The following NAAA variants were observed in gnomAD, a reference collection of about 807,000 sequenced individuals.
The protein encoded by NAAA is N-acylethanolamine-hydrolyzing acid amidase.
Under a neutral mutation model 44.8 loss-of-function variants are expected in NAAA, and 39 were observed. The ratio of observed to expected loss-of-function variants is 0.87; its 90% CI spans 0.67 to 1.14. The LOEUF (loss-of-function observed/expected upper bound fraction) is 1.14, where lower values mean the gene tolerates loss of function less well. NAAA is among the 50% of genes most tolerant of loss of function. The pLI, the probability that NAAA is intolerant of heterozygous loss-of-function variation, is 0.00. For synonymous variants in NAAA, 178 were observed against 191.3 expected, an observed-to-expected ratio of 0.93 and a Z score of 0.58; for missense variants, 460 against 467.8, an observed-to-expected ratio of 0.98 and a Z score of 0.15.
intron 2 of NAAA, 26 bp from the exon 3 acceptor site, chr4:75,936,261 G>T (rs1727709478): frequency 6.3e-7 from 1 of 1,599,876 alleles, no homozygotes; most frequent in South Asian, 1.1e-5. Flanking sequence ...AGTCCAACAT[G>T]AATGAATAAG....
intron 2 of NAAA, among the ~76,000 whole-genome samples, chr4:75,939,414 ATTT>A (rs377331355): frequency 2.2e-5 from 3 of 137,276 alleles, no homozygotes; most frequent in Non-Finnish European, 1.6e-5. Context: ...TTTGAGCAGA[ATTT>A]TTTTTTTTTT....
Position 75,920,748 on chromosome 4 carries a change from C to G in NAAA, c.892G>C (p.Asp298His). 6.2e-7 allele frequency: 1 copy of G among 1,614,250 alleles called. No homozygotes were observed. Among genetic ancestry groups the G allele is most frequent in the Non-Finnish European group, 8.5e-7 (1 of 1,180,038 alleles). Residue 298 changes from aspartate to histidine, a missense_variant, in exon 7 of 11, where the codon GAT becomes CAT. Transcript: ENST00000286733. ...CACGTAGCAGCCTACCTCCGGTCAT[C>G]TTCCTTGGGTGCTGGCTTCCAGTGG... Reference protein sequence around the residue: ...YDHWKPAPKEDDRRTSAIKAL... With the variant: ...YDHWKPAPKEHDRRTSAIKAL...
At chr4:75,923,739 C>T (rs1047886597) in intron 5 of NAAA, among the ~76,000 whole-genome samples, 2 of 152,088 alleles carry the variant, frequency 1.3e-5, no homozygotes, top group East Asian at 3.8e-4. Context: ...GGGGTTTCAC[C>T]ATGTTGGCCA....
chr4:75,930,614 C>G (rs965542243), intron 4 of NAAA: 1 of 406,438 alleles, frequency 2.5e-6, no homozygotes, highest in African/African-American at 2.1e-5. Flanking sequence ...CCATCTTAAC[C>G]TAAAACAACC....
At position 75,913,805 on chromosome 4, in the gene NAAA, G is replaced by A. The variant is rs1275788339; in HGVS notation, c.*570C>T. On this transcript the variant is annotated 3_prime_UTR_variant, in exon 11 of 11. Coordinates refer to ENST00000286733, the MANE Select transcript of NAAA (RefSeq NM_014435.4). The stretch of plus-strand genomic sequence containing the variant: ...CTATTGAGAAAGAAGGAGGGCCATA[G>A]GTTTTTCAATAAAACGTTAGAAACA... 6.7e-5 allele frequency: 66 copies of A among 984,912 alleles called. No individual in the cohort carries two copies. Among genetic ancestry groups the A allele is most frequent in the Non-Finnish European group, 7.4e-5 (61 of 829,648 alleles). 61.0% of individuals were successfully genotyped at this position (984,912 alleles called of 1,614,324 possible).
At position 75,940,744 on chromosome 4, in the gene NAAA, C is replaced by T; in HGVS notation, c.206G>A (p.Gly69Glu). ...LVRAAMAQVI[G>E]DRVPKWVHVL... ...GACCCCGTCCAGGGCCCCAGCTCAC[C>T]CGATGACTTGCGCCATCGCGGCGCG... is the stretch of plus-strand genomic sequence containing the variant. The change falls in exon 1 of 11, where the codon GGG becomes GAG. Residue 69 changes from glycine (G) to glutamate (E), a missense_variant and splice_region_variant. By Grantham distance (98) the Gly-to-Glu change is moderately conservative (BLOSUM62 -2). Transcript: ENST00000286733. 2 of 1,595,540 alleles carry T rather than the reference C, an allele frequency of 1.3e-6. No individual in the cohort carries two copies. Among genetic ancestry groups the T allele is most frequent in the South Asian group, 1.1e-5 (1 of 90,176 alleles).
intron 9 of NAAA, chr4:75,916,936 C>T (rs10026390): frequency 5.0e-4 from 83 of 166,348 alleles, no homozygotes; most frequent in African/African-American, 1.9e-3. Flanking sequence ...CGCACCATGA[C>T]GCCTGGCTAA....
intron 2 of NAAA, among the ~76,000 whole-genome samples, chr4:75,936,609 CAT>C (rs1727741076): frequency 6.6e-6 from 1 of 152,236 alleles, no homozygotes; most frequent in Non-Finnish European, 1.5e-5. Context: ...CTATTTAACA[CAT>C]GATTCAAAGC....
chr4:75,916,304 G>T (rs1015789989), intron 9 of NAAA: 3 of 152,148 alleles, frequency 2.0e-5, no homozygotes, highest in Non-Finnish European at 4.4e-5. Context: ...CTCAGTTGAG[G>T]TTAATCATTA....
chr4:75,913,538 T>C (rs1181273315), downstream of NAAA: 1 of 373,474 alleles, frequency 2.7e-6, no homozygotes, highest in South Asian at 1.1e-4. Context: ...CAAGCAGCTG[T>C]TCATTCCCTT....
At chr4:75,914,784 C>T (rs984855970) in intron 10 of NAAA, 84 bp downstream of exon 10, 8 of 876,070 alleles carry the variant, frequency 9.1e-6, no homozygotes, top group Non-Finnish European at 1.4e-5. Flanking sequence ...TATATGTATA[C>T]ATTTTAAGGA....
At chr4:75,917,780 A>T (rs993032274) in intron 9 of NAAA, 1 of 393,070 alleles carries the variant, frequency 2.5e-6, no homozygotes, top group East Asian at 8.1e-5. Context: ...TTCACTTAAA[A>T]AAAAAAAAAA....
intron 5 of NAAA, among the ~76,000 whole-genome samples, chr4:75,923,259 T>C (rs920049812): frequency 6.6e-6 from 1 of 152,112 alleles, no homozygotes; most frequent in African/African-American, 2.4e-5. Flanking sequence ...ATTTTTTTTC[T>C]TTCCTTATCA....
At chr4:75,918,500 C>A (rs921986779) in intron 9 of NAAA, among the ~76,000 whole-genome samples, 43 of 151,914 alleles carry the variant, frequency 2.8e-4, no homozygotes, top group Admixed American at 2.0e-4. Flanking sequence ...TCACTCTATT[C>A]TTTTTACCTT....
At chr4:75,934,263 T>C (rs531393111) in intron 3 of NAAA, among the ~76,000 whole-genome samples, 9 of 151,960 alleles carry the variant, frequency 5.9e-5, no homozygotes, top group Non-Finnish European at 1.0e-4. Flanking sequence ...TGTTGACTTA[T>C]GCCTGCTTCA....
rs1725426971 is a variant in NAAA at position 75,913,704 on chromosome 4, C to T, written c.*671G>A. 1 of 982,672 alleles carries T rather than the reference C, an allele frequency of 1.0e-6. No individual in the cohort carries two copies. Among genetic ancestry groups the T allele is most frequent in the Non-Finnish European group, 1.2e-6 (1 of 827,676 alleles). The allele number at this position is 982,672 out of a possible 1,614,324, so 60.9% of individuals were successfully genotyped here. On this transcript the variant is annotated 3_prime_UTR_variant, in exon 11 of 11. Coordinates refer to ENST00000286733, the MANE Select transcript of NAAA (RefSeq NM_014435.4). The stretch of plus-strand genomic sequence containing the variant: ...TTCTCCTTGCCAACATTTCTTTTGA[C>T]ATTTTATTACTTAATTATGTGACAT...
Position 75,920,743 on chromosome 4 carries a change from G to T in NAAA, c.897C>A (p.Asp299Glu), listed in dbSNP as rs750896672. Residue 299 changes from aspartate (D) to glutamate (E), a missense_variant, in exon 7 of 11, where the codon GAC becomes GAA. Coordinates refer to ENST00000286733, the MANE Select transcript of NAAA (RefSeq NM_014435.4). ...DHWKPAPKED[D>E]RRTSAIKALN... is the part of the protein sequence containing the mutation. Reference sequence around the variant, plus strand: ...GAAAGCACGTAGCAGCCTACCTCCGGTCATCTTCCTTGGGTGCTGGCTTCC... The same window carrying T: ...GAAAGCACGTAGCAGCCTACCTCCGTTCATCTTCCTTGGGTGCTGGCTTCC... 6.2e-7 allele frequency: 1 copy of T among 1,614,198 alleles called. No individual in the cohort carries two copies. Among genetic ancestry groups the T allele is most frequent in the South Asian group, 1.1e-5 (1 of 91,090 alleles).
intron 2 of NAAA, among the ~76,000 whole-genome samples, chr4:75,937,091 A>G (rs1727794063): frequency 6.6e-6 from 1 of 152,152 alleles, no homozygotes; most frequent in Non-Finnish European, 1.5e-5. Flanking sequence ...ATTGGGGAAA[A>G]AAGTGTTACT....
chr4:75,927,775 A>C (rs1726867121), intron 4 of NAAA, among the ~76,000 whole-genome samples: 2 of 147,870 alleles, frequency 1.4e-5, no homozygotes, highest in South Asian at 4.5e-4. Context: ...TGAGACAGAA[A>C]GACTCTGTCT....
Sources: gnomAD v4.1 joint callset for allele counts (sites outside exome capture counted in the v4.1 genomes callset) on GRCh38, gnomAD v4.1.1 for gene constraint, MANE v1.5 for transcripts, NCBI Gene and HGNC (gene_info 2026-07-23, HGNC 2026-07-21) for gene names.